CCDC102B: variants seen among roughly 807,000 people sequenced by gnomAD.
CCDC102B encodes the protein coiled-coil domain-containing protein 102B.
CCDC102B carries 75 observed loss-of-function variants against 57.4 expected under a neutral mutation model. The observed-to-expected ratio is 1.31, with a 90% confidence interval of 1.08 to 1.58. CCDC102B has a LOEUF of 1.58. CCDC102B is among the 40% of genes most tolerant of loss of function. CCDC102B has a pLI of 0.00. For synonymous variants in CCDC102B, 206 were observed against 201.9 expected (o/e 1.02, Z -0.17); for missense variants, 636 against 582.6 (o/e 1.09, Z -0.94).
chr18:68,846,101 A>G (rs2037842822), intron 3 of CCDC102B, among the ~76,000 whole-genome samples: 1 of 151,896 alleles, frequency 6.6e-6, no homozygotes, highest in African/African-American at 2.4e-5. Context: ...AAATATATGT[A>G]ATCTACTGTA....
intron 2 of CCDC102B, chr18:68,753,157 A>G (rs1039877897): frequency 1.3e-5 from 2 of 152,184 alleles, no homozygotes; most frequent in Non-Finnish European, 2.9e-5. Flanking sequence ...TTTTTTTAAA[A>G]AAGAATGGGG....
intron 6 of CCDC102B, among the ~76,000 whole-genome samples, chr18:68,926,259 G>A (rs2041470907): frequency 6.6e-6 from 1 of 151,722 alleles, no homozygotes; most frequent in Admixed American, 6.6e-5. Flanking sequence ...CTGTAACTAA[G>A]ATTTAATCAA....
At chr18:68,874,170 A>ATGTGTGTGTG (rs34176363) in intron 4 of CCDC102B, among the ~76,000 whole-genome samples, 4 of 138,260 alleles carry the variant, frequency 2.9e-5, no homozygotes, top group African/African-American at 1.1e-4. Flanking sequence ...GTGTGTGTGT[A>ATGTGTGTGTG]TGTGTGTGTG....
At chr18:69,018,942 G>A (rs537157581) in intron 7 of CCDC102B, among the ~76,000 whole-genome samples, 1 of 151,832 alleles carries the variant, frequency 6.6e-6, no homozygotes, top group East Asian at 2.0e-4. Context: ...TTTGTGTGTG[G>A]TGCAAGATAT....
chr18:68,997,224 C>T (rs55992404), intron 6 of CCDC102B, among the ~76,000 whole-genome samples: 2,515 of 152,178 alleles, frequency 0.017, 79 homozygotes, highest in African/African-American at 0.057. Context: ...AGTTCTTTAT[C>T]GGAGTGTGAA....
intron 6 of CCDC102B, among the ~76,000 whole-genome samples, chr18:68,915,505 C>T (rs2041039805): frequency 6.6e-6 from 1 of 152,006 alleles, no homozygotes; most frequent in South Asian, 2.1e-4. Flanking sequence ...AATACTTTGT[C>T]CTTTGGCTGT....
chr18:68,975,945 T>C, intron 6 of CCDC102B, among the ~76,000 whole-genome samples: 1 of 151,914 alleles, frequency 6.6e-6, no homozygotes, highest in East Asian at 1.9e-4. Flanking sequence ...TTAGCCTTTA[T>C]TAGTACGGAC....
At chr18:68,954,987 T>C (rs2049801725) in intron 6 of CCDC102B, among the ~76,000 whole-genome samples, 7 of 152,196 alleles carry the variant, frequency 4.6e-5, no homozygotes, top group Admixed American at 4.6e-4. Context: ...TGATCTATGG[T>C]TGTATCTTGC....
At chr18:69,007,063 T>C (rs952848309) in intron 6 of CCDC102B, among the ~76,000 whole-genome samples, 2 of 152,180 alleles carry the variant, frequency 1.3e-5, no homozygotes, top group Non-Finnish European at 2.9e-5. Flanking sequence ...CTGGGAAGCA[T>C]TAATGCCTTT....
At chr18:68,834,811 C>A (rs1180458105) in intron 1 of CCDC102B, among the ~76,000 whole-genome samples, 1 of 151,562 alleles carries the variant, frequency 6.6e-6, no homozygotes, top group African/African-American at 2.4e-5. Flanking sequence ...ATTATATAGT[C>A]TTTTTTTCCC....
intron 6 of CCDC102B, among the ~76,000 whole-genome samples, chr18:68,940,738 T>C (rs941004707): frequency 6.6e-6 from 1 of 151,946 alleles, no homozygotes; most frequent in Non-Finnish European, 1.5e-5. Flanking sequence ...ATATAATTCA[T>C]ATAGCTATGC....
chr18:68,740,451 A>C (rs1599392464), intron 2 of CCDC102B, among the ~76,000 whole-genome samples: 2 of 152,370 alleles, frequency 1.3e-5, no homozygotes, highest in East Asian at 3.9e-4. Flanking sequence ...AAACATTTGC[A>C]AGTCAAAGAA....
chr18:69,008,372 A>G (rs1044807714), intron 6 of CCDC102B, among the ~76,000 whole-genome samples: 1 of 152,212 alleles, frequency 6.6e-6, no homozygotes, highest in Non-Finnish European at 1.5e-5. Flanking sequence ...TTGAAGTGAC[A>G]GGGCAAGCTC....
intron 3 of CCDC102B, among the ~76,000 whole-genome samples, chr18:68,842,038 C>T (rs2037658836): frequency 1.3e-5 from 2 of 152,060 alleles, no homozygotes; most frequent in African/African-American, 4.8e-5. Context: ...TGCGCCCAGC[C>T]CATTTTGTCT....
chr18:68,841,815 C>CTCAG (rs1415465516), intron 3 of CCDC102B, among the ~76,000 whole-genome samples: 8 of 152,178 alleles, frequency 5.3e-5, no homozygotes, highest in Admixed American at 2.0e-4. Flanking sequence ...TCACTGCAAT[C>CTCAG]TCAGCCTCCT....
intron 2 of CCDC102B, among the ~76,000 whole-genome samples, chr18:68,737,957 G>T (rs1341969794): frequency 1.3e-5 from 2 of 152,020 alleles, no homozygotes; most frequent in East Asian, 3.9e-4. Context: ...GGATGGCAGT[G>T]AATGGCTACT....
chr18:68,943,727 A>G (rs2049452165), intron 6 of CCDC102B, among the ~76,000 whole-genome samples: 2 of 152,146 alleles, frequency 1.3e-5, no homozygotes. Context: ...ACCAATTAAG[A>G]GTCCTTTATT....
chr18:68,729,501 G>A (rs148202573), intron 2 of CCDC102B, among the ~76,000 whole-genome samples: 7 of 152,296 alleles, frequency 4.6e-5, no homozygotes, highest in East Asian at 3.9e-4. Flanking sequence ...GCTCAGAAAC[G>A]AATTCAGGCA....
chr18:68,831,487 T>C (rs2037138420), intron 1 of CCDC102B, among the ~76,000 whole-genome samples: 1 of 152,216 alleles, frequency 6.6e-6, no homozygotes, highest in East Asian at 1.9e-4. Flanking sequence ...ACTTTGTGTT[T>C]ATGCTCATTT....
Sources: gnomAD v4.1 joint callset for allele counts (sites outside exome capture counted in the v4.1 genomes callset) on GRCh38, gnomAD v4.1.1 for gene constraint, MANE v1.5 for transcripts, NCBI Gene and HGNC (gene_info 2026-07-23, HGNC 2026-07-21) for gene names.